Variants in CHD6 observed in about 807,000 individuals in gnomAD.
CHD6 encodes chromodomain helicase DNA binding protein 6, also known as ATP-dependent chromatin remodeler CHD6.
CHD6 carries 50 observed loss-of-function variants against 276.9 expected under a neutral mutation model. That is an observed-to-expected ratio of 0.18 (90% confidence interval 0.14 to 0.23). CHD6 has a LOEUF of 0.23. Among genes scored for constraint, CHD6 ranks in the 10% least tolerant of loss-of-function variants. The probability of loss-of-function intolerance (pLI) is 1.00; values close to 1 mark genes in which losing one functional copy is unlikely to be tolerated. For synonymous variants in CHD6, 1,173 were observed against 1,229.3 expected (o/e 0.95, Z 0.96); for missense variants, 2,564 against 3,365.8 (o/e 0.76, Z 5.89).
chr20:41,443,188 C>A (rs962686255), intron 25 of CHD6, among the ~76,000 whole-genome samples: 1 of 152,196 alleles, frequency 6.6e-6, no homozygotes, highest in East Asian at 1.9e-4. Flanking sequence ...TCAGCAAACA[C>A]AAATTAATTT....
intron 2 of CHD6, among the ~76,000 whole-genome samples, chr20:41,548,609 A>G (rs2045089867): frequency 6.6e-6 from 1 of 152,220 alleles, no homozygotes; most frequent in Non-Finnish European, 1.5e-5. Context: ...CTAAAACACC[A>G]AAAGCAATGG....
At chr20:41,571,343 T>C (rs1601153882) in intron 1 of CHD6, among the ~76,000 whole-genome samples, 1 of 152,028 alleles carries the variant, frequency 6.6e-6, no homozygotes, top group East Asian at 1.9e-4. Flanking sequence ...ACTGACGGCT[T>C]CAGAGTTACC....
In CHD6 at chr20:41,403,351, T is replaced by C; in HGVS notation, c.*1242A>G. On this transcript the variant is annotated 3_prime_UTR_variant, in exon 37 of 37. Coordinates refer to ENST00000373233, the MANE Select transcript of CHD6 (RefSeq NM_032221.5). Reference sequence around the variant, plus strand: ...GAGACCATCAGAAGGGACGTTAACATGAAGGTGAAAGGACATGGGGAAGTG... The same window carrying C: ...GAGACCATCAGAAGGGACGTTAACACGAAGGTGAAAGGACATGGGGAAGTG... The C allele has an allele frequency of 9.4e-7, 1 of 1,062,488 alleles. No individual in the cohort carries two copies. Among genetic ancestry groups the C allele is most frequent in the Non-Finnish European group, 1.1e-6 (1 of 877,302 alleles). The allele number at this position is 1,062,488 out of a possible 1,614,324, so 65.8% of individuals were successfully genotyped here.
chr20:41,533,706 T>C (rs1384120320), intron 2 of CHD6, 136 bp from the exon 3 acceptor site: 3 of 799,354 alleles, frequency 3.8e-6, no homozygotes, highest in Non-Finnish European at 5.8e-6. Context: ...CCTATTGTGC[T>C]AGGCCTTGGA....
chr20:41,533,053 G>A lies in CHD6; in HGVS notation c.551C>T (p.Ala184Val). 1 of 1,588,142 alleles carries A rather than the reference G, an allele frequency of 6.3e-7. No individual in the cohort carries two copies. The highest frequency in any genetic ancestry group is 8.5e-7 in the Non-Finnish European group (1 of 1,171,792). ...GAGAAGGGAGAAAGGAACGTACCTGGCCTTCCTGGACTTCGTCCTGGCTGC... is the reference window on the plus strand; with the variant it reads ...GAGAAGGGAGAAAGGAACGTACCTGACCTTCCTGGACTTCGTCCTGGCTGC... ...DSAARTKSRK[A>V]SKEQGPTPVE... Residue 184 changes from alanine (A) to valine (V), a missense_variant, in exon 3 of 37, where the codon GCC (alanine) becomes GTC (valine). Physicochemically the swap from Ala to Val is moderately conservative, Grantham distance 64 (BLOSUM62 0). Transcript: ENST00000373233.
chr20:41,614,299 T>G (rs2045915479), intron 1 of CHD6, among the ~76,000 whole-genome samples: 1 of 152,212 alleles, frequency 6.6e-6, no homozygotes, highest in South Asian at 2.1e-4. Context: ...TTTCAAATAC[T>G]GTCTTAGTAT....
chr20:41,459,096 G>C (rs887491041), intron 17 of CHD6, among the ~76,000 whole-genome samples: 2 of 152,140 alleles, frequency 1.3e-5, no homozygotes, highest in South Asian at 4.1e-4. Flanking sequence ...AGAGAAAGGG[G>C]TAAGTCTAAG....
At chr20:41,458,854 TG>T (rs1820791939) in intron 17 of CHD6, among the ~76,000 whole-genome samples, 1 of 152,030 alleles carries the variant, frequency 6.6e-6, no homozygotes. Flanking sequence ...GGCCATGCCA[TG>T]TGAGTGAGCC....
At chr20:41,553,074 T>C (rs573050502) in intron 1 of CHD6, among the ~76,000 whole-genome samples, 2 of 152,366 alleles carry the variant, frequency 1.3e-5, no homozygotes, top group East Asian at 1.9e-4. Flanking sequence ...GAGTCAGTTG[T>C]AGGTAAATTA....
At chr20:41,424,075 A>AT (rs3215513) in intron 29 of CHD6, among the ~76,000 whole-genome samples, 22 of 151,616 alleles carry the variant, frequency 1.5e-4, no homozygotes, top group East Asian at 1.9e-4. Context: ...ATCTAGCCTT[A>AT]TTTTTTTTTA....
intron 2 of CHD6, among the ~76,000 whole-genome samples, chr20:41,543,693 T>C (rs1288604016): frequency 6.6e-6 from 1 of 152,166 alleles, no homozygotes; most frequent in Non-Finnish European, 1.5e-5. Flanking sequence ...ATTTTAAACA[T>C]GGACTTGGCA....
chr20:41,415,741 A>G (rs1569049179), intron 33 of CHD6, 103 bp from the exon 34 acceptor site: 2 of 884,060 alleles, frequency 2.3e-6, no homozygotes, highest in Non-Finnish European at 1.7e-6. Flanking sequence ...ATTGTTTCCA[A>G]TCATCTTTTT....
At chr20:41,440,978 T>C (rs976875578) in intron 25 of CHD6, among the ~76,000 whole-genome samples, 98 of 152,194 alleles carry the variant, frequency 6.4e-4, no homozygotes, top group African/African-American at 2.2e-3. Context: ...GTTGATGCAG[T>C]TGTATCCTTC....
intron 17 of CHD6, among the ~76,000 whole-genome samples, chr20:41,467,561 GAAAAAA>G (rs11472253): frequency 1.0e-4 from 4 of 39,144 alleles, no homozygotes; most frequent in South Asian, 2.1e-3. Flanking sequence ...TTCTGACAAT[GAAAAAA>G]AAAAAAAAAA....
At chr20:41,586,460 A>C (rs2045596011) in intron 1 of CHD6, among the ~76,000 whole-genome samples, 1 of 152,214 alleles carries the variant, frequency 6.6e-6, no homozygotes, top group East Asian at 1.9e-4. Flanking sequence ...TCCGTGACCC[A>C]TGGCTTCTAA....
At chr20:41,516,524 C>A (rs1301695402) in intron 3 of CHD6, among the ~76,000 whole-genome samples, 4 of 151,980 alleles carry the variant, frequency 2.6e-5, no homozygotes, top group Non-Finnish European at 5.9e-5. Context: ...TGAGGCATGG[C>A]GAGGTTAAGT....
At chr20:41,425,673 G>C (rs9941768) in intron 28 of CHD6, among the ~76,000 whole-genome samples, 5,861 of 152,034 alleles carry the variant, frequency 0.039, 132 homozygotes, top group Middle Eastern at 0.054. Flanking sequence ...CTAAAGCACA[G>C]GAATGAGCAG....
chr20:41,599,556 G>A (rs901412931), intron 1 of CHD6, among the ~76,000 whole-genome samples: 13 of 151,946 alleles, frequency 8.6e-5, no homozygotes, highest in Non-Finnish European at 1.8e-4. Flanking sequence ...AACCCCTCTC[G>A]ATTCTCCCCC....
chr20:41,472,519 G>A (rs945162084), intron 17 of CHD6, among the ~76,000 whole-genome samples: 4 of 152,126 alleles, frequency 2.6e-5, no homozygotes, highest in East Asian at 1.9e-4. Flanking sequence ...AGATATATGC[G>A]ATATACACTT....
Sources: gnomAD v4.1 joint callset for allele counts (sites outside exome capture counted in the v4.1 genomes callset) on GRCh38, gnomAD v4.1.1 for gene constraint, MANE v1.5 for transcripts, NCBI Gene and HGNC (gene_info 2026-07-23, HGNC 2026-07-21) for gene names.